The following WDFY3 variants were observed in gnomAD, a reference collection of about 807,000 sequenced individuals.
The protein encoded by WDFY3 is WD repeat and FYVE domain-containing protein 3.
WDFY3 carries 66 observed loss-of-function variants against 409.6 expected under a neutral mutation model. The ratio of observed to expected loss-of-function variants is 0.16; its 90% confidence interval spans 0.13 to 0.20. The LOEUF is 0.20. Ranked by LOEUF, WDFY3 falls within the 10% of genes least tolerant of loss-of-function variation. The probability of loss-of-function intolerance (pLI) is 1.00; values close to 1 mark genes in which losing one functional copy is unlikely to be tolerated. For synonymous variants in WDFY3, 1,521 were observed against 1,537.1 expected (o/e 0.99, Z 0.25); for missense variants, 3,031 against 4,298.1 (o/e 0.71, Z 8.24).
At chr4:84,832,067 T>G (rs1755817019) in intron 7 of WDFY3, among the ~76,000 whole-genome samples, 1 of 152,080 alleles carries the variant, frequency 6.6e-6, no homozygotes. Flanking sequence ...CTATTCCCAA[T>G]AGCCAAAATT....
At position 84,864,546 on chromosome 4, in the gene WDFY3, C is replaced by T. The variant is rs150500113; in HGVS notation, c.-31-3924G>A. 9.5e-4 allele frequency among the ~76,000 whole-genome samples: 145 copies of T among 152,204 alleles called. 1 individual carries two copies. In the East Asian group the frequency reaches 0.025, roughly 26 times the overall value. On this transcript the variant is annotated intron_variant, in intron 3 of 67. Transcript: ENST00000295888. The stretch of plus-strand genomic sequence containing the variant: ...TCTTCTTTAATGTCCTTCATCAATG[C>T]TTTATTAAAGTGTACAAGTCTTTCA...
At chr4:84,856,981 C>T (rs1304055256) in intron 4 of WDFY3, among the ~76,000 whole-genome samples, 1 of 151,988 alleles carries the variant, frequency 6.6e-6, no homozygotes, top group Non-Finnish European at 1.5e-5. Context: ...TATCTAAGAA[C>T]AATTTTAGTT....
intron 13 of WDFY3, among the ~76,000 whole-genome samples, chr4:84,814,022 G>C (rs1429236245): frequency 6.6e-6 from 1 of 152,076 alleles, no homozygotes; most frequent in Non-Finnish European, 1.5e-5. Context: ...CATTACCAAT[G>C]AAACATTTAA....
intron 1 of WDFY3, among the ~76,000 whole-genome samples, chr4:84,953,089 T>C (rs1773807913): frequency 1.3e-5 from 2 of 151,748 alleles, no homozygotes; most frequent in South Asian, 2.1e-4. Context: ...AAATGGAATA[T>C]TATTCAGCCT....
rs943170985 is a variant in WDFY3, at chr4:84,679,366, G to T, written c.9824-124C>A. On this transcript the variant is annotated intron_variant, in intron 64 of 67. Coordinates refer to ENST00000295888, the MANE Select transcript of WDFY3 (RefSeq NM_014991.6). ...ATAGACATAATATTTTAAGCTAAGT[G>T]TAACAAAAAAGAAAGTAAGTGCCAG... 7.9e-6 allele frequency: 8 copies of T among 1,010,694 alleles called. No individual in the cohort carries two copies. In the African/African-American group the frequency reaches 1.2e-4, roughly 15 times the overall value. The allele number at this position is 1,010,694 out of a possible 1,614,324, so 62.6% of individuals were successfully genotyped here. A position where few individuals can be genotyped will look rare whatever the true frequency, so the allele number is the denominator to read the frequency against.
At chr4:84,796,873 C>T (rs965582533) in intron 18 of WDFY3, 121 bp from the exon 19 acceptor site, 2 of 739,964 alleles carry the variant, frequency 2.7e-6, no homozygotes, top group Non-Finnish European at 4.3e-6. Flanking sequence ...TTTTAAGTGC[C>T]AAGATCATTA....
chr4:84,703,849 G>A (rs990635171), intron 55 of WDFY3, among the ~76,000 whole-genome samples: 1 of 151,970 alleles, frequency 6.6e-6, no homozygotes, highest in Non-Finnish European at 1.5e-5. Flanking sequence ...TCTTATTTTT[G>A]ATTTCTGGCT....
intron 2 of WDFY3, among the ~76,000 whole-genome samples, chr4:84,901,995 A>T (rs1356351943): frequency 2.0e-5 from 3 of 152,132 alleles, no homozygotes; most frequent in Non-Finnish European, 4.4e-5. Flanking sequence ...CCTCCATTCT[A>T]CTCTCCAGAT....
intron 44 of WDFY3, among the ~76,000 whole-genome samples, chr4:84,732,360 C>A (rs539892107): frequency 6.6e-6 from 1 of 152,114 alleles, no homozygotes; most frequent in Non-Finnish European, 1.5e-5. Flanking sequence ...ACATATTCAT[C>A]GCCTCAAATA....
intron 50 of WDFY3, among the ~76,000 whole-genome samples, chr4:84,714,134 T>C (rs987100729): frequency 3.3e-5 from 5 of 152,098 alleles, no homozygotes; most frequent in Non-Finnish European, 5.9e-5. Flanking sequence ...AAAATCATTA[T>C]TATTTTTTGA....
intron 23 of WDFY3, 100 bp from the exon 24 acceptor site, chr4:84,786,239 G>A (rs1263239655): frequency 1.7e-6 from 2 of 1,182,054 alleles, no homozygotes; most frequent in African/African-American, 3.1e-5. Context: ...AGGCTTGAAA[G>A]TCTTAAAGTA....
chr4:84,686,108 A>G (rs994019075), intron 62 of WDFY3, among the ~76,000 whole-genome samples: 3 of 152,136 alleles, frequency 2.0e-5, no homozygotes, highest in Admixed American at 1.3e-4. Context: ...GATCGAAACC[A>G]TCTTCGCTAA....
chr4:84,796,743 A>T lies in WDFY3; in HGVS notation c.2945T>A (p.Ile982Asn). The change falls in exon 19 of 68, where the codon ATC becomes AAC. Residue 982 changes from isoleucine to asparagine, a missense_variant. Coordinates refer to ENST00000295888, the MANE Select transcript of WDFY3 (RefSeq NM_014991.6). ...AGTACCCAGACCTTCCAGAGATGTGATCATACTACCTGTAAGTCAAGGAAA... is the reference window on the plus strand; with the variant it reads ...AGTACCCAGACCTTCCAGAGATGTGTTCATACTACCTGTAAGTCAAGGAAA... ...SYEPEMRSSM[I>N]TSLEGLGTDN... is the part of the protein sequence containing the mutation. The T allele has an allele frequency of 6.2e-7, 1 of 1,611,686 alleles. No homozygotes were observed.
chr4:84,943,656 T>C (rs1772430088), intron 1 of WDFY3, among the ~76,000 whole-genome samples: 1 of 152,156 alleles, frequency 6.6e-6, no homozygotes. Flanking sequence ...TCACTTCCCC[T>C]AGCCCCAACA....
intron 1 of WDFY3, among the ~76,000 whole-genome samples, chr4:84,961,075 C>T (rs964967903): frequency 6.6e-6 from 1 of 151,874 alleles, no homozygotes; most frequent in African/African-American, 2.4e-5. Context: ...ATTAGCCGGG[C>T]GTGGTGGCGG....
chr4:84,862,276 G>A (rs988887403), intron 3 of WDFY3, among the ~76,000 whole-genome samples: 1 of 152,154 alleles, frequency 6.6e-6, no homozygotes, highest in African/African-American at 2.4e-5. Flanking sequence ...CCAATGGCTT[G>A]TTTGCACTGA....
intron 60 of WDFY3, 88 bp downstream of exon 60, chr4:84,691,543 C>A: frequency 1.4e-6 from 2 of 1,418,572 alleles, no homozygotes; most frequent in Non-Finnish European, 1.9e-6. Context: ...AGCCCTTGGA[C>A]TGGGTTCTCC....
At chr4:84,876,915 T>A (rs1434564953) in intron 3 of WDFY3, among the ~76,000 whole-genome samples, 1 of 152,246 alleles carries the variant, frequency 6.6e-6, no homozygotes, top group Non-Finnish European at 1.5e-5. Context: ...ATTAATCATT[T>A]GTTCTAAATT....
In WDFY3 at chr4:84,810,033, G is replaced by C. The variant is rs762260048; in HGVS notation, c.2199C>G (p.Ala733=). The change falls in exon 14 of 68, where the codon GCC becomes GCG. Residue 733 remains alanine (A), a synonymous_variant. Coordinates refer to ENST00000295888, the MANE Select transcript of WDFY3 (RefSeq NM_014991.6). The part of the protein sequence containing the change: ...GCFSDLRKIS[A]MNVFPSNTQP... ...GTGTATTTGAGGGGAAGACATTCAT[G>C]GCGCTTATTTTTCTTAGGTCTGAGA... is the stretch of plus-strand genomic sequence containing the variant. 1 of 1,614,138 alleles carries C rather than the reference G, an allele frequency of 6.2e-7. No individual in the cohort carries two copies. Among genetic ancestry groups the C allele is most frequent in the East Asian group, 2.2e-5 (1 of 44,888 alleles).
Sources: gnomAD v4.1 joint callset for allele counts (sites outside exome capture counted in the v4.1 genomes callset) on GRCh38, gnomAD v4.1.1 for gene constraint, MANE v1.5 for transcripts, NCBI Gene and HGNC (gene_info 2026-07-23, HGNC 2026-07-21) for gene names.